The following STON2 variants were observed in gnomAD, a reference collection of about 807,000 sequenced individuals.
The protein encoded by STON2 is stonin 2.
Under a neutral mutation model 65.7 loss-of-function variants are expected in STON2, and 29 were observed. The observed-to-expected ratio is 0.44, with a 90% confidence interval of 0.33 to 0.60. The LOEUF is 0.60. Ranked by LOEUF, STON2 falls within the 20% of genes least tolerant of loss-of-function variation. The pLI, the probability that STON2 is intolerant of heterozygous loss-of-function variation, is 0.03. For missense variants in STON2, 1,054 were observed against 1,118.1 expected (o/e 0.94, Z 0.82); for synonymous variants, 404 against 414.2 (o/e 0.98, Z 0.30).
intron 4 of STON2, among the ~76,000 whole-genome samples, chr14:81,324,875 T>C (rs569089929): frequency 3.9e-5 from 6 of 152,310 alleles, no homozygotes; most frequent in South Asian, 2.1e-4. Flanking sequence ...AACAAAGGCA[T>C]GGCAGTAATA....
chr14:81,313,809 AT>A (rs1435531562), intron 5 of STON2, among the ~76,000 whole-genome samples: 78 of 78,748 alleles, frequency 9.9e-4, no homozygotes, highest in African/African-American at 2.0e-3. Flanking sequence ...AAAAAAAAAA[AT>A]ACACACACAC....
At chr14:81,290,267 C>T (rs766403938) in intron 5 of STON2, among the ~76,000 whole-genome samples, 1 of 152,172 alleles carries the variant, frequency 6.6e-6, no homozygotes, top group Non-Finnish European at 1.5e-5. Flanking sequence ...TTCGCCTTCA[C>T]AGTCCTGAAA....
rs979890944 is a variant in STON2, at chr14:81,263,781, C to T, written c.*4633G>A. On this transcript the variant is annotated 3_prime_UTR_variant, in exon 8 of 8. Transcript: ENST00000614646. The stretch of plus-strand genomic sequence containing the variant: ...CTCGAACTGGGAGCATTTCTATAAG[C>T]AGGCTGGATGGTAGTGCTTCCTACT... The T allele has an allele frequency of 1.2e-5, 12 of 985,156 alleles. No individual in the cohort carries two copies. The Admixed American group carries it at 2.5e-4, about 20-fold the overall frequency. The allele number at this position is 985,156 out of a possible 1,614,324, so 61.0% of individuals were successfully genotyped here.
At chr14:81,415,352 G>A (rs1047395287) in intron 2 of STON2, among the ~76,000 whole-genome samples, 3 of 152,080 alleles carry the variant, frequency 2.0e-5, no homozygotes, top group Non-Finnish European at 2.9e-5. Flanking sequence ...TCAGAGAGTA[G>A]TAAAGAGTAG....
In STON2 at chr14:81,412,781, C is replaced by A. The variant is rs888490371; in HGVS notation, c.-198-14201G>T. On this transcript the variant is annotated intron_variant, in intron 2 of 8. Transcript: ENST00000553821. ...TTTAAATTAAAAAAAAATGACCACG[C>A]GCAAAGCAGTCTTCGCAAAGGGGAA... Among the ~76,000 whole-genome samples the A allele has an allele frequency of 8.6e-5, 12 of 139,780 alleles. 4 individuals carry two copies. Among genetic ancestry groups the A allele is most frequent in the African/African-American group, 3.5e-4 (12 of 34,042 alleles). 91.7% of individuals were successfully genotyped at this position (139,780 alleles called of 152,430 possible). A position where few individuals can be genotyped will look rare whatever the true frequency, so the allele number is the denominator to read the frequency against.
chr14:81,265,709 G>T lies in STON2; in HGVS notation c.*2705C>A. 1.2e-6 allele frequency: 1 copy of T among 815,238 alleles called. No individual in the cohort carries two copies. Among genetic ancestry groups the T allele is most frequent in the Non-Finnish European group, 1.5e-6 (1 of 676,148 alleles). 50.5% of individuals were successfully genotyped at this position (815,238 alleles called of 1,614,324 possible). A position where few individuals can be genotyped will look rare whatever the true frequency, so the allele number is the denominator to read the frequency against. ...TCAATAATAATAATAATAATAATTT[G>T]TTTGCAGAATATAGATAGCATAGAA... On this transcript the variant is annotated 3_prime_UTR_variant, in exon 8 of 8. Transcript: ENST00000614646.
At chr14:81,379,802 T>C (rs1266705382) in intron 3 of STON2, among the ~76,000 whole-genome samples, 1 of 152,126 alleles carries the variant, frequency 6.6e-6, no homozygotes, top group Non-Finnish European at 1.5e-5. Context: ...TTGCAGAAGA[T>C]TGAAAGTGGA....
Position 81,263,537 on chromosome 14 carries a change from C to CAAAAAAAAAAAAAAAAAAAAA in STON2, c.*4856_*4876dup, listed in dbSNP as rs59359589. 1.2e-5 allele frequency: 1 copy of CAAAAAAAAAAAAAAAAAAAAA among 80,924 alleles called. No individual in the cohort carries two copies. The highest frequency in any genetic ancestry group is 2.2e-5 in the Non-Finnish European group (1 of 46,202). 5.0% of individuals were successfully genotyped at this position (80,924 alleles called of 1,614,324 possible). A position where few individuals can be genotyped will look rare whatever the true frequency, so the allele number is the denominator to read the frequency against. ...TGGGTGACAGACTGAGACTCCGTCTCAAAAAAAAAAAAAAAAAAAAAAACA... is the reference window on the plus strand; with the variant it reads ...TGGGTGACAGACTGAGACTCCGTCTCAAAAAAAAAAAAAAAAAAAAAAAAAAAAAAAAAAAAAAAAAAAACA... On this transcript the variant is annotated 3_prime_UTR_variant, in exon 8 of 8. Transcript: ENST00000614646.
At chr14:81,335,162 G>C (rs1278882105) in intron 4 of STON2, among the ~76,000 whole-genome samples, 1 of 151,910 alleles carries the variant, frequency 6.6e-6, no homozygotes, top group Non-Finnish European at 1.5e-5. Context: ...CATCACACCT[G>C]GCCTACCAAT....
intron 4 of STON2, among the ~76,000 whole-genome samples, chr14:81,335,025 GT>G (rs1897322803): frequency 1.5e-4 from 1 of 6,696 alleles, no homozygotes; most frequent in Non-Finnish European, 1.1e-3. Flanking sequence ...GTATTTGTGT[GT>G]GTGTGTGTGT....
chr14:81,313,743 C>A (rs1459463715), intron 5 of STON2, among the ~76,000 whole-genome samples: 3 of 148,508 alleles, frequency 2.0e-5, no homozygotes, highest in African/African-American at 7.5e-5. Context: ...TGCAGTGAGC[C>A]AAGATCGTGC....
intron 4 of STON2, among the ~76,000 whole-genome samples, chr14:81,357,632 C>T (rs1227298808): frequency 6.6e-6 from 1 of 152,006 alleles, no homozygotes; most frequent in Non-Finnish European, 1.5e-5. Context: ...TCACTTGGAA[C>T]CAACCCAAAT....
chr14:81,278,879 G>C, intron 5 of STON2, 140 bp from the exon 6 acceptor site: 1 of 621,360 alleles, frequency 1.6e-6, no homozygotes, highest in Non-Finnish European at 2.6e-6. Context: ...TGTTTCAAGT[G>C]CTTAGTCTGG....
chr14:81,332,955 G>A, intron 4 of STON2: 1 of 449,240 alleles, frequency 2.2e-6, no homozygotes. Flanking sequence ...CTCACTGCTA[G>A]ACACCTCATT....
intron 3 of STON2, 121 bp downstream of exon 3, chr14:81,395,773 G>A: frequency 1.0e-6 from 1 of 988,126 alleles, no homozygotes; most frequent in Non-Finnish European, 1.5e-6. Context: ...TCTCCCCTAT[G>A]CGACCAGTGC....
chr14:81,317,923 A>G (rs1011210695), intron 5 of STON2, among the ~76,000 whole-genome samples: 11 of 151,856 alleles, frequency 7.2e-5, no homozygotes, highest in Non-Finnish European at 1.0e-4. Flanking sequence ...CAAGTTTGAG[A>G]TATCTTCAGG....
intron 5 of STON2, among the ~76,000 whole-genome samples, chr14:81,294,695 T>C (rs1895691572): frequency 6.6e-6 from 1 of 152,212 alleles, no homozygotes; most frequent in South Asian, 2.1e-4. Flanking sequence ...TCTGGAATTG[T>C]GGGGCCTTTG....
rs1249265951 is a variant in STON2 at position 81,277,457 on chromosome 14, G to C, written c.2025C>G (p.Ile675Met). The C allele has an allele frequency of 6.2e-7, 1 of 1,614,168 alleles. No individual in the cohort carries two copies. The highest frequency in any genetic ancestry group is 8.5e-7 in the Non-Finnish European group (1 of 1,180,044). The change falls in exon 6 of 8, where the codon ATC (isoleucine) becomes ATG (methionine). Residue 675 changes from isoleucine to methionine, a missense_variant. Coordinates refer to ENST00000614646, the MANE Select transcript of STON2 (RefSeq NM_001394390.1). The stretch of plus-strand genomic sequence containing the variant: ...AAACTATTTCATTCCCTTTGACGAG[G>C]ATGTCATTGAGGCCCAGGCGGCACT... ...LAECRLGLNDILVKGNEIVLR... is the reference protein window; with the variant it reads ...LAECRLGLNDMLVKGNEIVLR...
intron 3 of STON2, among the ~76,000 whole-genome samples, chr14:81,392,732 G>C (rs891197007): frequency 6.6e-6 from 1 of 151,552 alleles, no homozygotes; most frequent in Non-Finnish European, 1.5e-5. Context: ...ATTTGATATG[G>C]AGCAAAAGTG....
Sources: gnomAD v4.1 joint callset for allele counts (sites outside exome capture counted in the v4.1 genomes callset) on GRCh38, gnomAD v4.1.1 for gene constraint, MANE v1.5 for transcripts, NCBI Gene and HGNC (gene_info 2026-07-23, HGNC 2026-07-21) for gene names.